ZNF493: variants seen among roughly 807,000 people sequenced by gnomAD.
ZNF493 encodes zinc finger protein 493.
Under a neutral mutation model 12.2 loss-of-function variants are expected in ZNF493, and 11 were observed. The ratio of observed to expected loss-of-function variants is 0.90; its 90% CI spans 0.57 to 1.50. The LOEUF (loss-of-function observed/expected upper bound fraction) is 1.50. Ranked by LOEUF, ZNF493 falls within the 40% of genes most tolerant of loss-of-function variation. ZNF493 has a pLI of 0.00. For missense variants in ZNF493, 950 were observed against 906.6 expected (o/e 1.05, Z -0.61); for synonymous variants, 286 against 302.6 (o/e 0.95, Z 0.57).
chr19:21,411,494 C>T (rs1230232477), intron 3 of ZNF493, among the ~76,000 whole-genome samples: 2 of 152,000 alleles, frequency 1.3e-5, no homozygotes, highest in African/African-American at 4.8e-5. Context: ...CTGAGGCGAG[C>T]AGATTGCCTG....
In ZNF493 at chr19:21,424,177, A is replaced by G. The variant is rs755728009; in HGVS notation, c.1518A>G (p.Ile506Met). ...TTAACCAATCTTCAACCCTTAGTAT[A>G]CATAAAATAATTCATACTGGAGAAA... is the stretch of plus-strand genomic sequence containing the variant. ...KAFNQSSTLS[I>M]HKIIHTGEKP... The change falls in exon 4 of 4, where the codon ATA becomes ATG. Residue 506 changes from isoleucine (I) to methionine (M), a missense_variant. Transcript: ENST00000392288. 1.2e-6 allele frequency: 2 copies of G among 1,613,604 alleles called. No homozygotes were observed.
In ZNF493 at chr19:21,408,539, T is replaced by C. The variant is rs981034752; in HGVS notation, c.253+2683T>C. The C allele has an allele frequency of 1.5e-5, 15 of 984,710 alleles. No individual in the cohort carries two copies. In the African/African-American group the frequency reaches 2.6e-4, roughly 17 times the overall value. 61.0% of individuals were successfully genotyped at this position (984,710 alleles called of 1,614,324 possible). ...GCCAATTTTTCAAAATACCTGCTTT[T>C]GATGAGTACAGTTACAGTCAAATAC... On this transcript the variant is annotated intron_variant, in intron 3 of 3. Transcript: ENST00000392288.
intron 3 of ZNF493, among the ~76,000 whole-genome samples, chr19:21,406,082 C>T (rs1468565738): frequency 1.3e-5 from 2 of 151,856 alleles, no homozygotes; most frequent in African/African-American, 4.8e-5. Flanking sequence ...ATTAGCCAGG[C>T]GTGGTGGCAG....
At position 21,424,346 on chromosome 19, in the gene ZNF493, C is replaced by T. The variant is rs1300424434; in HGVS notation, c.1687C>T (p.His563Tyr). 6 of 1,613,510 alleles carry T rather than the reference C, an allele frequency of 3.7e-6. No homozygotes were observed. The highest frequency in any genetic ancestry group is 5.1e-6 in the Non-Finnish European group (6 of 1,179,740). Residue 563 changes from histidine to tyrosine, a missense_variant, in exon 4 of 4, where the codon CAT becomes TAT. Transcript: ENST00000392288. ...AFNRSSHLTTHKRIHTGHKPY... is the reference protein window; with the variant it reads ...AFNRSSHLTTYKRIHTGHKPY... ...TAATCGGTCCTCACACCTTACTACA[C>T]ATAAGAGAATTCATACTGGACACAA...
chr19:21,419,014 C>T (rs144695405), intron 3 of ZNF493, among the ~76,000 whole-genome samples: 2 of 152,286 alleles, frequency 1.3e-5, no homozygotes, highest in African/African-American at 2.4e-5. Flanking sequence ...GGCCTGTTCC[C>T]AACATGTAAG....
intron 3 of ZNF493, chr19:21,408,507 T>C (rs1010426006): frequency 4.1e-6 from 4 of 983,930 alleles, no homozygotes; most frequent in Admixed American, 6.2e-5. Flanking sequence ...TTCTCTGAAA[T>C]TTTACTGCCA....
At chr19:21,408,420 C>G (rs1242250579) in intron 3 of ZNF493, 4 of 984,356 alleles carry the variant, frequency 4.1e-6, no homozygotes, top group Non-Finnish European at 4.8e-6. Flanking sequence ...TGAGCCACCA[C>G]CCCCGGCCAC....
At chr19:21,410,176 A>G (rs918285869) in intron 3 of ZNF493, among the ~76,000 whole-genome samples, 3 of 151,418 alleles carry the variant, frequency 2.0e-5, no homozygotes, top group Admixed American at 6.6e-5. Context: ...TACAATAAAC[A>G]TGGATGTTCT....
At chr19:21,416,918 T>C (rs1463795750) in intron 3 of ZNF493, among the ~76,000 whole-genome samples, 1 of 152,230 alleles carries the variant, frequency 6.6e-6, no homozygotes, top group Non-Finnish European at 1.5e-5. Flanking sequence ...CACAGACTGC[T>C]GTTGGGAACT....
intron 3 of ZNF493, chr19:21,408,470 A>G: frequency 8.1e-6 from 8 of 984,844 alleles, no homozygotes; most frequent in Non-Finnish European, 9.6e-6. Flanking sequence ...TCTCATCAGA[A>G]TATTTTATTT....
At chr19:21,411,720 A>C (rs1299451799) in intron 3 of ZNF493, among the ~76,000 whole-genome samples, 4 of 108,212 alleles carry the variant, frequency 3.7e-5, no homozygotes, top group Non-Finnish European at 9.8e-5. Context: ...ACTCCATCTC[A>C]AAAAAAAAAA....
intron 3 of ZNF493, among the ~76,000 whole-genome samples, chr19:21,410,013 A>C (rs918244215): frequency 6.6e-6 from 1 of 150,400 alleles, no homozygotes; most frequent in African/African-American, 2.4e-5. Flanking sequence ...TTATCTTAAA[A>C]TGTGACAATA....
chr19:21,425,072 T>A lies in ZNF493; in HGVS notation c.*88T>A. On this transcript the variant is annotated 3_prime_UTR_variant, in exon 4 of 4. Coordinates refer to ENST00000392288, the MANE Select transcript of ZNF493 (RefSeq NM_001076678.3). ...ACCAGTACTTTACCCTTAATACACA[T>A]AAGATAATTAATGCTGGAGAGAAAC... 2 of 1,386,178 alleles carry A rather than the reference T, an allele frequency of 1.4e-6. No individual in the cohort carries two copies. The highest frequency in any genetic ancestry group is 2.0e-6 in the Non-Finnish European group (2 of 997,912). The allele number at this position is 1,386,178 out of a possible 1,614,324, so 85.9% of individuals were successfully genotyped here. A position where few individuals can be genotyped will look rare whatever the true frequency, so the allele number is the denominator to read the frequency against.
chr19:21,424,765 G>A lies in ZNF493; in HGVS notation c.2106G>A (p.Thr702=), dbSNP rs115731114. The A allele has an allele frequency of 1.6e-5, 26 of 1,598,584 alleles. No homozygotes were observed. The highest frequency in any genetic ancestry group is 1.5e-4 in the African/African-American group (11 of 72,598). ...KTFYRFSNLN[T]HKIIHTGEKP... The stretch of plus-strand genomic sequence containing the variant: ...TCTACCGATTCTCAAACCTTAATAC[G>A]CATAAGATAATTCATACTGGAGAGA... The change falls in exon 4 of 4, where the codon ACG becomes ACA. Residue 702 remains threonine (T), a synonymous_variant. Coordinates refer to ENST00000392288, the MANE Select transcript of ZNF493 (RefSeq NM_001076678.3).
In ZNF493 at chr19:21,405,249, T is replaced by G. The variant is rs751124472; in HGVS notation, c.151T>G (p.Phe51Val). 25 of 1,612,284 alleles carry G rather than the reference T, an allele frequency of 1.6e-5. No homozygotes were observed. The highest frequency in any genetic ancestry group is 1.1e-4 in the African/African-American group (8 of 74,808). ...VMLENYRNLV[F>V]LGIAVSKPDL... Reference sequence around the variant, plus strand: ...GTTAGAGAACTACAGAAACCTGGTCTTCTTGGGTGAGAATAACTTTAATAC... The same window carrying G: ...GTTAGAGAACTACAGAAACCTGGTCGTCTTGGGTGAGAATAACTTTAATAC... The change falls in exon 2 of 4, where the codon TTC (phenylalanine) becomes GTC (valine). Residue 51 changes from phenylalanine (F) to valine (V), a missense_variant. Transcript: ENST00000392288.
intron 3 of ZNF493, among the ~76,000 whole-genome samples, chr19:21,421,224 T>C (rs999556858): frequency 2.0e-5 from 3 of 152,082 alleles, no homozygotes; most frequent in African/African-American, 7.2e-5. Context: ...TTTTTTTACC[T>C]CCCTAATTTG....
chr19:21,427,079 T>C lies in ZNF493; in HGVS notation c.*2095T>C, dbSNP rs1306526199. 1.2e-5 allele frequency: 2 copies of C among 166,996 alleles called. No individual in the cohort carries two copies. The highest frequency in any genetic ancestry group is 2.9e-5 in the Non-Finnish European group (2 of 68,104). 10.3% of individuals were successfully genotyped at this position (166,996 alleles called of 1,614,324 possible). A position where few individuals can be genotyped will look rare whatever the true frequency, so the allele number is the denominator to read the frequency against. ...ATCATTTGTTGCTGCATCAGAGGTA[T>C]GAGAGATTCTTCTTCATTAGATGGG... On this transcript the variant is annotated 3_prime_UTR_variant, in exon 4 of 4. Coordinates refer to ENST00000392288, the MANE Select transcript of ZNF493 (RefSeq NM_001076678.3).
Position 21,423,168 on chromosome 19 carries a change from A to G in ZNF493, c.509A>G (p.Asn170Ser), listed in dbSNP as rs759539041. 15 of 1,613,374 alleles carry G rather than the reference A, an allele frequency of 9.3e-6. No individual in the cohort carries two copies. The South Asian group carries it at 1.7e-4, about 18-fold the overall frequency. ...VKVFHKLLNS[N>S]RHNTKHTGKK... Reference sequence around the variant, plus strand: ...GTCTTTCATAAACTTTTAAATTCAAATAGACATAACACAAAACATACTGGA... The same window carrying G: ...GTCTTTCATAAACTTTTAAATTCAAGTAGACATAACACAAAACATACTGGA... Residue 170 changes from asparagine (N) to serine (S), a missense_variant, in exon 4 of 4, where the codon AAT becomes AGT. Transcript: ENST00000392288.
At chr19:21,406,019 G>A (rs1418790015) in intron 3 of ZNF493, among the ~76,000 whole-genome samples, 163 bp downstream of exon 3, 4 of 151,204 alleles carry the variant, frequency 2.6e-5, no homozygotes, top group South Asian at 2.1e-4. Context: ...TCAGGAGTTC[G>A]AGACCAGACT....
Sources: allele counts gnomAD v4.1 joint callset (sites outside exome capture counted in the v4.1 genomes callset), GRCh38; gene constraint gnomAD v4.1.1; transcripts MANE v1.5; gene names NCBI Gene and HGNC (gene_info 2026-07-23, HGNC 2026-07-21).